The following CLNK variants were observed in gnomAD, a reference collection of about 807,000 sequenced individuals.
CLNK encodes cytokine dependent hematopoietic cell linker, also known as cytokine-dependent hematopoietic cell linker.
A neutral mutation model predicts 68.6 loss-of-function variants in CLNK; 74 were observed. The observed-to-expected ratio is 1.08, with a 90% CI of 0.89 to 1.31. The LOEUF (loss-of-function observed/expected upper bound fraction) is 1.31, where lower values mean the gene tolerates loss of function less well. Among genes scored for constraint, CLNK ranks in the 50% most tolerant of loss-of-function variants. The probability of loss-of-function intolerance (pLI) is 0.00; values close to 1 mark genes in which losing one functional copy is unlikely to be tolerated. For synonymous variants in CLNK, 198 were observed against 172.2 expected (o/e 1.15, Z -1.17); for missense variants, 553 against 515.3 (o/e 1.07, Z -0.71).
At chr4:10,670,979 A>C (rs1361532947) in intron 1 of CLNK, among the ~76,000 whole-genome samples, 1 of 152,222 alleles carries the variant, frequency 6.6e-6, no homozygotes, top group Admixed American at 6.5e-5. Context: ...TTGTATTTTG[A>C]AATTTGAATA....
At chr4:10,594,877 C>G (rs1200398009) in intron 3 of CLNK, among the ~76,000 whole-genome samples, 1 of 152,136 alleles carries the variant, frequency 6.6e-6, no homozygotes, top group East Asian at 1.9e-4. Flanking sequence ...GGCAGATCAC[C>G]TGAGGTTGGG....
intron 5 of CLNK, among the ~76,000 whole-genome samples, chr4:10,567,898 A>T (rs890022361): frequency 1.3e-5 from 2 of 152,214 alleles, no homozygotes; most frequent in African/African-American, 4.8e-5. Context: ...CACCAAGATG[A>T]TTTAAAAAAA....
intron 17 of CLNK, among the ~76,000 whole-genome samples, chr4:10,504,508 G>A (rs1020462682): frequency 1.3e-5 from 2 of 152,204 alleles, no homozygotes; most frequent in Non-Finnish European, 2.9e-5. Flanking sequence ...AAAGGCTTAA[G>A]TGAATACCCT....
upstream of CLNK, among the ~76,000 whole-genome samples, chr4:10,689,258 C>A (rs752279890): frequency 2.6e-5 from 4 of 151,962 alleles, no homozygotes; most frequent in Non-Finnish European, 5.9e-5. Context: ...CATCAGCCTC[C>A]TGAGTAGTTG....
chr4:10,652,276 G>A (rs1360080244), intron 2 of CLNK, among the ~76,000 whole-genome samples: 1 of 149,178 alleles, frequency 6.7e-6, no homozygotes, highest in East Asian at 2.0e-4. Context: ...CAGCTACTTG[G>A]GATGCTGAGA....
At chr4:10,637,019 G>A (rs1723118159) in intron 2 of CLNK, among the ~76,000 whole-genome samples, 1 of 152,220 alleles carries the variant, frequency 6.6e-6, no homozygotes, top group African/African-American at 2.4e-5. Flanking sequence ...CACAGGTGTT[G>A]CAGTATGGAG....
the CLNK span, among the ~76,000 whole-genome samples, chr4:10,726,749 G>A: frequency 3.3e-5 from 5 of 152,174 alleles, no homozygotes; most frequent in Non-Finnish European, 7.3e-5. Flanking sequence ...AAGTGGGAAA[G>A]ACATGCCCCT....
intron 2 of CLNK, among the ~76,000 whole-genome samples, chr4:10,607,402 G>A (rs1241588310): frequency 1.3e-5 from 2 of 152,214 alleles, no homozygotes; most frequent in South Asian, 2.1e-4. Context: ...CCTGATCTGG[G>A]TTGTTTCAAT....
the CLNK span, among the ~76,000 whole-genome samples, chr4:10,710,908 G>T: frequency 6.6e-6 from 1 of 152,164 alleles, no homozygotes; most frequent in African/African-American, 2.4e-5. Context: ...TTGTGGAATC[G>T]GATAGGTAGA....
At chr4:10,499,777 C>T (rs536081490) in intron 18 of CLNK, among the ~76,000 whole-genome samples, 1 of 152,116 alleles carries the variant, frequency 6.6e-6, no homozygotes, top group Non-Finnish European at 1.5e-5. Context: ...CTCCCACGAC[C>T]CCTCTCCTTG....
At chr4:10,565,917 T>C in intron 6 of CLNK, 92 bp downstream of exon 6, 1 of 1,377,316 alleles carries the variant, frequency 7.3e-7, no homozygotes, top group Admixed American at 2.1e-5. Flanking sequence ...TAACCTAGGG[T>C]TGTTTAATTC....
chr4:10,678,871 A>G (rs1415315448), intron 1 of CLNK, among the ~76,000 whole-genome samples: 1 of 152,214 alleles, frequency 6.6e-6, no homozygotes, highest in Non-Finnish European at 1.5e-5. Context: ...AGAGTATACA[A>G]ACAAATGGAA....
chr4:10,567,846 G>GA (rs1311370025), intron 5 of CLNK, among the ~76,000 whole-genome samples: 1 of 152,120 alleles, frequency 6.6e-6, no homozygotes, highest in Non-Finnish European at 1.5e-5. Flanking sequence ...TAGCCATTAG[G>GA]AAAATGCAAC....
intron 10 of CLNK, 112 bp downstream of exon 10, chr4:10,541,910 C>T: frequency 1.2e-6 from 1 of 818,108 alleles, no homozygotes; most frequent in East Asian, 2.7e-5. Context: ...GTCTCTCACT[C>T]TGAAATCATA....
At chr4:10,668,978 A>G (rs1284852855) in intron 1 of CLNK, among the ~76,000 whole-genome samples, 1 of 152,164 alleles carries the variant, frequency 6.6e-6, no homozygotes, top group East Asian at 1.9e-4. Flanking sequence ...CAGTTAGACA[A>G]TGATACCCAG....
At chr4:10,502,875 A>G (rs1577090192) in intron 17 of CLNK, among the ~76,000 whole-genome samples, 1 of 152,090 alleles carries the variant, frequency 6.6e-6, no homozygotes, top group Admixed American at 6.5e-5. Context: ...ATTCAGAGTG[A>G]CAGAAGCCAA....
chr4:10,703,263 C>T, the CLNK span, among the ~76,000 whole-genome samples: 1 of 152,078 alleles, frequency 6.6e-6, no homozygotes, highest in Non-Finnish European at 1.5e-5. Context: ...ACACTAACTA[C>T]AGTGTTCATT....
At chr4:10,667,767 T>TGGCG in intron 2 of CLNK, 92 bp downstream of exon 2, 2 of 1,260,502 alleles carry the variant, frequency 1.6e-6, no homozygotes, top group Non-Finnish European at 2.2e-6. Flanking sequence ...GCGGCCACAT[T>TGGCG]GGCATCATTT....
chr4:10,589,635 C>T (rs557334365), intron 3 of CLNK, among the ~76,000 whole-genome samples: 4 of 145,778 alleles, frequency 2.7e-5, no homozygotes, highest in Non-Finnish European at 6.1e-5. Context: ...AGGCTGGGAC[C>T]AGCCGCCTAG....
Sources: gnomAD v4.1 joint callset for allele counts (sites outside exome capture counted in the v4.1 genomes callset) on GRCh38, gnomAD v4.1.1 for gene constraint, MANE v1.5 for transcripts, NCBI Gene and HGNC (gene_info 2026-07-23, HGNC 2026-07-21) for gene names.